Variants in ABLIM3 observed in about 807,000 individuals in gnomAD.
ABLIM3 encodes actin-binding LIM protein 3.
In ABLIM3, 61 loss-of-function variants were observed where a neutral mutation model predicts 109.5. That is an observed-to-expected ratio of 0.56 (90% CI 0.45 to 0.69). The LOEUF (loss-of-function observed/expected upper bound fraction) is 0.69, where lower values mean the gene tolerates loss of function less well. Ranked by LOEUF, ABLIM3 falls within the 30% of genes least tolerant of loss-of-function variation. The pLI is 0.00. For synonymous variants in ABLIM3, 300 were observed against 324.8 expected (o/e 0.92, Z 0.82); for missense variants, 796 against 889.5 (o/e 0.89, Z 1.34).
At chr5:149,232,455 C>G (rs1280354496) in intron 9 of ABLIM3, among the ~76,000 whole-genome samples, 7 of 152,124 alleles carry the variant, frequency 4.6e-5, no homozygotes, top group Admixed American at 4.6e-4. Context: ...ATCAAATGTT[C>G]CACCTTCATC....
chr5:149,180,201 A>G (rs1205460811), intron 2 of ABLIM3, among the ~76,000 whole-genome samples: 1 of 152,256 alleles, frequency 6.6e-6, no homozygotes, highest in African/African-American at 2.4e-5. Context: ...AATTCAAAAG[A>G]CATTCACCCA....
intron 2 of ABLIM3, among the ~76,000 whole-genome samples, chr5:149,169,250 G>A (rs949254018): frequency 5.3e-5 from 8 of 152,060 alleles, no homozygotes; most frequent in South Asian, 2.1e-4. Context: ...TTTATTTGAC[G>A]TAACAGGAAA....
chr5:149,258,295 A>T lies in ABLIM3; in HGVS notation c.1943A>T (p.His648Leu). Reference sequence around the variant, plus strand: ...CGCCTGCCCTGCCTCCTTCAGCGCCACCTGTCCCAGGAAGAGTTCTACCAA... The same window carrying T: ...CGCCTGCCCTGCCTCCTTCAGCGCCTCCTGTCCCAGGAAGAGTTCTACCAA... ...KDVDRTRLER[H>L]LSQEEFYQVF... Residue 648 changes from histidine (H) to leucine (L), a missense_variant, in exon 24 of 24, where the codon CAC (histidine) becomes CTC (leucine). His to Leu is a moderately conservative substitution (Grantham distance 99). Transcript: ENST00000309868. 1 of 1,551,686 alleles carries T rather than the reference A, an allele frequency of 6.4e-7. No individual in the cohort carries two copies.
At position 149,211,159 on chromosome 5, in the gene ABLIM3, TTTATTTATTTAA is replaced by T. The variant is rs1391323118; in HGVS notation, c.669+351_669+362del. Reference sequence around the variant, plus strand: ...GAAGTCTTTTTTATTTATTTATTTATTTATTTATTTAATTATTTATTTTGTTTGTTTGTTTGT... The same window carrying T: ...GAAGTCTTTTTTATTTATTTATTTATTTATTTATTTTGTTTGTTTGTTTGT... On this transcript the variant is annotated intron_variant, in intron 7 of 23. Transcript: ENST00000309868. Among the ~76,000 whole-genome samples the T allele has an allele frequency of 5.1e-4, 78 of 152,030 alleles. 1 individual carries two copies. Among genetic ancestry groups the T allele is most frequent in the African/African-American group, 1.6e-3 (66 of 41,508 alleles).
At chr5:149,239,386 C>T in intron 12 of ABLIM3, 109 bp downstream of exon 12, 2 of 1,255,842 alleles carry the variant, frequency 1.6e-6, no homozygotes, top group Middle Eastern at 1.9e-4. Context: ...CAAGGTATTC[C>T]CTGCAAGCAG....
At chr5:149,209,676 C>G (rs937846709) in intron 6 of ABLIM3, among the ~76,000 whole-genome samples, 2 of 152,228 alleles carry the variant, frequency 1.3e-5, no homozygotes, top group Non-Finnish European at 2.9e-5. Context: ...GAGCTACCCT[C>G]CCGCACCCAC....
chr5:149,149,469 A>T (rs17722477), intron 2 of ABLIM3, among the ~76,000 whole-genome samples: 2 of 152,184 alleles, frequency 1.3e-5, no homozygotes, highest in African/African-American at 4.8e-5. Context: ...ACAGTAGGTG[A>T]TGGATTTTCT....
intron 2 of ABLIM3, among the ~76,000 whole-genome samples, chr5:149,146,051 G>A (rs1053737840): frequency 6.6e-6 from 1 of 152,082 alleles, no homozygotes; most frequent in African/African-American, 2.4e-5. Context: ...TAAAGTTCTG[G>A]GATTATAGGC....
intron 7 of ABLIM3, among the ~76,000 whole-genome samples, chr5:149,211,082 A>G (rs1759500499): frequency 6.6e-6 from 1 of 152,242 alleles, no homozygotes; most frequent in Non-Finnish European, 1.5e-5. Flanking sequence ...GGACCCAGAC[A>G]GATTTCTAAA....
rs78305430 is a variant in ABLIM3, at chr5:149,172,539, G to C, written c.14-10913G>C. Among the ~76,000 whole-genome samples, 213 of 152,282 alleles carry C rather than the reference G, an allele frequency of 1.4e-3. 3 individuals are homozygous for C. In the East Asian group the frequency reaches 0.02, roughly 15 times the overall value. ...GTTCTTCCAGATCCTACACGCATGT[G>C]GTGAGCATGTGACTTCCCTCAGATG... is the stretch of plus-strand genomic sequence containing the variant. On this transcript the variant is annotated intron_variant, in intron 2 of 23. Coordinates refer to ENST00000309868, the MANE Select transcript of ABLIM3 (RefSeq NM_014945.5).
chr5:149,162,918 G>A (rs768945628), intron 2 of ABLIM3, among the ~76,000 whole-genome samples: 8 of 152,230 alleles, frequency 5.3e-5, no homozygotes, highest in Admixed American at 2.0e-4. Flanking sequence ...CATCTCTGGC[G>A]TGTCTGTTTT....
chr5:149,214,640 C>T (rs1011815166), intron 7 of ABLIM3, among the ~76,000 whole-genome samples: 11 of 152,210 alleles, frequency 7.2e-5, no homozygotes, highest in African/African-American at 2.4e-4. Context: ...CATGCAGGAA[C>T]AACAGTCGCC....
At chr5:149,192,045 T>C (rs1301498419) in intron 3 of ABLIM3, among the ~76,000 whole-genome samples, 1 of 152,110 alleles carries the variant, frequency 6.6e-6, no homozygotes, top group Non-Finnish European at 1.5e-5. Context: ...TGATAGATTA[T>C]GTATACAAAA....
chr5:149,160,979 C>T (rs564360323), intron 2 of ABLIM3, among the ~76,000 whole-genome samples: 1 of 152,352 alleles, frequency 6.6e-6, no homozygotes, highest in South Asian at 2.1e-4. Context: ...CTCGGCCAGC[C>T]ATGGGGCTTC....
chr5:149,234,247 G>A (rs912891532), intron 10 of ABLIM3, among the ~76,000 whole-genome samples: 3 of 152,196 alleles, frequency 2.0e-5, no homozygotes, highest in Admixed American at 6.5e-5. Context: ...ACAGAAATAA[G>A]CTAAAGGAGG....
chr5:149,213,655 T>G (rs1316268717), intron 7 of ABLIM3, among the ~76,000 whole-genome samples: 3 of 152,144 alleles, frequency 2.0e-5, no homozygotes, highest in South Asian at 4.1e-4. Context: ...GTTCAGCATT[T>G]CCAAGCTGCT....
chr5:149,246,460 G>C, intron 16 of ABLIM3, 22 bp from the exon 17 acceptor site: 1 of 1,613,722 alleles, frequency 6.2e-7, no homozygotes. Flanking sequence ...TGCCGGAGCT[G>C]ATCTTTTCTG....
chr5:149,229,299 C>T (rs1220903799), intron 8 of ABLIM3, among the ~76,000 whole-genome samples: 1 of 152,172 alleles, frequency 6.6e-6, no homozygotes, highest in Admixed American at 6.5e-5. Flanking sequence ...AAGGAATACC[C>T]AAGTATGTCG....
chr5:149,223,354 C>T (rs1009511768), intron 8 of ABLIM3, among the ~76,000 whole-genome samples: 6 of 152,278 alleles, frequency 3.9e-5, no homozygotes, highest in Non-Finnish European at 5.9e-5. Context: ...AGCAATTTCC[C>T]GGCTTACTTC....
Sources: gnomAD v4.1 joint callset for allele counts (sites outside exome capture counted in the v4.1 genomes callset) on GRCh38, gnomAD v4.1.1 for gene constraint, MANE v1.5 for transcripts, NCBI Gene and HGNC (gene_info 2026-07-23, HGNC 2026-07-21) for gene names.